RHBDD1: variants seen among roughly 807,000 people sequenced by gnomAD.
RHBDD1 encodes rhomboid-related protein 4.
In RHBDD1, 38 loss-of-function variants were observed where a neutral mutation model predicts 36.3. The ratio of observed to expected loss-of-function variants is 1.05; its 90% CI spans 0.81 to 1.37. The LOEUF (loss-of-function observed/expected upper bound fraction) is 1.37. Ranked by LOEUF, RHBDD1 falls within the 40% of genes most tolerant of loss-of-function variation. The pLI is 0.00. For synonymous variants in RHBDD1, 151 were observed against 136.5 expected, an observed-to-expected ratio of 1.11 and a Z score of -0.74; for missense variants, 393 against 377.6, an observed-to-expected ratio of 1.04 and a Z score of -0.34.
chr2:226,915,174 G>A (rs556362348), intron 8 of RHBDD1, among the ~76,000 whole-genome samples: 79 of 152,170 alleles, frequency 5.2e-4, no homozygotes, highest in East Asian at 1.7e-3. Context: ...AGTGTTAGAC[G>A]TAGGGAGAAG....
intron 8 of RHBDD1, among the ~76,000 whole-genome samples, chr2:226,932,028 T>C (rs1166983825): frequency 6.6e-6 from 1 of 152,172 alleles, no homozygotes; most frequent in Non-Finnish European, 1.5e-5. Flanking sequence ...GTTTCGAACA[T>C]GCAGATCCTC....
rs560932080 is a variant in RHBDD1 at position 226,862,268 on chromosome 2, T to A, written c.-90-2336T>A. On this transcript the variant is annotated intron_variant, in intron 3 of 8. Transcript: ENST00000392062. ...CAGTAATCCTGGGAAGGAGGTTTTA[T>A]GTTTCTTAAAGGGAGGAAATTGAAG... Among the ~76,000 whole-genome samples, 21 of 152,308 alleles carry A rather than the reference T, an allele frequency of 1.4e-4. No individual in the cohort carries two copies. The South Asian group carries it at 1.5e-3, about 11-fold the overall frequency.
intron 8 of RHBDD1, among the ~76,000 whole-genome samples, chr2:226,981,435 C>CA (rs201620422): frequency 7.6e-4 from 104 of 137,056 alleles, no homozygotes; most frequent in South Asian, 2.3e-3. Flanking sequence ...CATTGAACTT[C>CA]AAAAAAAAAA....
intron 8 of RHBDD1, among the ~76,000 whole-genome samples, chr2:226,932,633 G>A (rs1383647008): frequency 4.0e-5 from 6 of 151,786 alleles, no homozygotes; most frequent in Admixed American, 2.0e-4. Flanking sequence ...TCCCTCTCCC[G>A]GTAGTATAGT....
intron 8 of RHBDD1, among the ~76,000 whole-genome samples, chr2:226,959,958 G>C (rs1218630026): frequency 6.6e-6 from 1 of 152,116 alleles, no homozygotes; most frequent in Non-Finnish European, 1.5e-5. Context: ...GAGTAGCTGG[G>C]ACTACAGGCA....
At chr2:226,984,265 C>T (rs965576550) in intron 8 of RHBDD1, among the ~76,000 whole-genome samples, 2 of 152,192 alleles carry the variant, frequency 1.3e-5, no homozygotes, top group African/African-American at 2.4e-5. Flanking sequence ...ACCATGGACC[C>T]GGTGGCTTAA....
the RHBDD1 span, among the ~76,000 whole-genome samples, chr2:226,820,644 CAAAAAA>C: frequency 2.2e-4 from 14 of 63,544 alleles, no homozygotes; most frequent in East Asian, 4.7e-4. Context: ...TCCATCTCCA[CAAAAAA>C]AAAAAAAAAA....
At chr2:226,889,485 A>C (rs1946508276) in intron 5 of RHBDD1, among the ~76,000 whole-genome samples, 1 of 152,202 alleles carries the variant, frequency 6.6e-6, no homozygotes, top group Non-Finnish European at 1.5e-5. Context: ...ATAATAAAGG[A>C]GATTAAAACT....
chr2:226,869,188 CAT>C, intron 5 of RHBDD1: 2 of 985,218 alleles, frequency 2.0e-6, no homozygotes, highest in Non-Finnish European at 1.2e-6. Flanking sequence ...ATTTCTGTGT[CAT>C]ATGCATATTC....
chr2:226,924,749 GT>G (rs1162701391), intron 8 of RHBDD1, among the ~76,000 whole-genome samples: 1 of 152,198 alleles, frequency 6.6e-6, no homozygotes, highest in Non-Finnish European at 1.5e-5. Flanking sequence ...CACTCCCTGG[GT>G]GCTGGCTAAG....
intron 3 of RHBDD1, among the ~76,000 whole-genome samples, chr2:226,846,617 G>A (rs1942248892): frequency 6.6e-6 from 1 of 151,952 alleles, no homozygotes; most frequent in Admixed American, 6.6e-5. Flanking sequence ...GGTGGCGGGT[G>A]CCTGTAGTCC....
At chr2:226,834,334 C>T (rs1332061706), upstream of RHBDD1, among the ~76,000 whole-genome samples, 3 of 152,190 alleles carry the variant, frequency 2.0e-5, no homozygotes, top group South Asian at 4.1e-4. Context: ...CAGAAAATAC[C>T]TCTATAGGCA....
chr2:226,989,054 G>A (rs1957610823), intron 8 of RHBDD1, among the ~76,000 whole-genome samples: 1 of 152,252 alleles, frequency 6.6e-6, no homozygotes, highest in Non-Finnish European at 1.5e-5. Flanking sequence ...AGGGGCTGAG[G>A]AAGACAACTG....
At chr2:226,803,307 AAT>A in the RHBDD1 span, among the ~76,000 whole-genome samples, 2 of 147,674 alleles carry the variant, frequency 1.4e-5, no homozygotes, top group Admixed American at 6.6e-5. Context: ...TGATGACTAA[AAT>A]GTGTGTGTGT....
At position 226,844,761 on chromosome 2, in the gene RHBDD1, A is replaced by G. The variant is rs1574759717; in HGVS notation, c.-91+5134A>G. 2.0e-5 allele frequency among the ~76,000 whole-genome samples: 3 copies of G among 152,310 alleles called. No individual in the cohort carries two copies. The South Asian group carries it at 6.2e-4, about 32-fold the overall frequency. ...AGTTGGAGAACTTTAATGAGCCCTCATTACACTAAACCGTGTGGTTTATGA... is the reference window on the plus strand; with the variant it reads ...AGTTGGAGAACTTTAATGAGCCCTCGTTACACTAAACCGTGTGGTTTATGA... On this transcript the variant is annotated intron_variant, in intron 3 of 8. Coordinates refer to ENST00000392062, the MANE Select transcript of RHBDD1 (RefSeq NM_001167608.3).
intron 7 of RHBDD1, among the ~76,000 whole-genome samples, chr2:226,911,977 C>A (rs1162826196): frequency 6.6e-6 from 1 of 152,050 alleles, no homozygotes; most frequent in African/African-American, 2.4e-5. Context: ...TAAATCATTC[C>A]TTTTTCTTTT....
At chr2:226,935,634 ATTT>A (rs5839183) in intron 8 of RHBDD1, among the ~76,000 whole-genome samples, 1 of 149,200 alleles carries the variant, frequency 6.7e-6, no homozygotes, top group African/African-American at 2.5e-5. Flanking sequence ...TCTCAGTTTT[ATTT>A]TTTTTTTTTA....
the RHBDD1 span, among the ~76,000 whole-genome samples, chr2:226,801,442 C>G: frequency 2.6e-5 from 4 of 152,102 alleles, no homozygotes; most frequent in Admixed American, 1.3e-4. Flanking sequence ...CAGGGGTGTG[C>G]GATACGTAAA....
At chr2:226,917,504 T>C (rs1411606759) in intron 8 of RHBDD1, among the ~76,000 whole-genome samples, 1 of 152,172 alleles carries the variant, frequency 6.6e-6, no homozygotes, top group East Asian at 1.9e-4. Context: ...CCAAGGGTTT[T>C]GTTTCTACCT....
Sources: allele counts gnomAD v4.1 joint callset (sites outside exome capture counted in the v4.1 genomes callset), GRCh38; gene constraint gnomAD v4.1.1; transcripts MANE v1.5; gene names NCBI Gene and HGNC (gene_info 2026-07-23, HGNC 2026-07-21).